KCNH1: variants seen among roughly 807,000 people sequenced by gnomAD.
The protein encoded by KCNH1 is potassium voltage-gated channel subfamily H member 1, also known as voltage-gated delayed rectifier potassium channel KCNH1.
Under a neutral mutation model 69.2 loss-of-function variants are expected in KCNH1, and 27 were observed. That is an observed-to-expected ratio of 0.39 (90% CI 0.29 to 0.54). The LOEUF (loss-of-function observed/expected upper bound fraction) is 0.54, where lower values mean the gene tolerates loss of function less well. KCNH1 is among the 20% of genes least tolerant of loss of function. The pLI is 0.68. For missense variants in KCNH1, 798 were observed against 1,261.6 expected, an observed-to-expected ratio of 0.63 and a Z score of 5.57; for synonymous variants, 456 against 487.7, an observed-to-expected ratio of 0.93 and a Z score of 0.86.
At chr1:210,977,428 G>A (rs1271684984) in intron 6 of KCNH1, among the ~76,000 whole-genome samples, 6 of 151,392 alleles carry the variant, frequency 4.0e-5, no homozygotes, top group African/African-American at 1.5e-4. Context: ...TTGTACCCTA[G>A]AACTTAAAGT....
intron 10 of KCNH1, among the ~76,000 whole-genome samples, chr1:210,701,167 G>A (rs1447430598): frequency 6.6e-6 from 1 of 152,124 alleles, no homozygotes; most frequent in African/African-American, 2.4e-5. Context: ...TCGATCTCCT[G>A]ACCTTGTGAT....
chr1:210,863,284 C>A (rs1229607203), intron 7 of KCNH1, among the ~76,000 whole-genome samples: 1 of 152,142 alleles, frequency 6.6e-6, no homozygotes, highest in Non-Finnish European at 1.5e-5. Context: ...TCTAAGATTA[C>A]TTTTAGCTCT....
intron 7 of KCNH1, among the ~76,000 whole-genome samples, chr1:210,862,609 C>T (rs967575248): frequency 1.3e-5 from 2 of 152,186 alleles, no homozygotes; most frequent in African/African-American, 4.8e-5. Flanking sequence ...GCTGGATTTA[C>T]AAGCCTGAGT....
At chr1:211,056,977 A>G (rs1337418418) in intron 5 of KCNH1, among the ~76,000 whole-genome samples, 1 of 152,200 alleles carries the variant, frequency 6.6e-6, no homozygotes, top group Non-Finnish European at 1.5e-5. Flanking sequence ...ACTGATGAAC[A>G]TCCACCAGTA....
chr1:210,867,868 T>C (rs1002179734), intron 7 of KCNH1, among the ~76,000 whole-genome samples: 6 of 152,070 alleles, frequency 3.9e-5, no homozygotes, highest in African/African-American at 1.4e-4. Flanking sequence ...TGCTTTTTTA[T>C]TGCTGAGAGT....
intron 3 of KCNH1, among the ~76,000 whole-genome samples, chr1:211,093,294 C>T (rs541374405): frequency 6.6e-6 from 1 of 152,204 alleles, no homozygotes; most frequent in South Asian, 2.1e-4. Context: ...ATGAACTCTC[C>T]CCTCTTAACA....
intron 6 of KCNH1, among the ~76,000 whole-genome samples, chr1:211,011,051 A>G (rs1273045473): frequency 6.6e-6 from 1 of 152,082 alleles, no homozygotes; most frequent in African/African-American, 2.4e-5. Flanking sequence ...ACATAGGTAT[A>G]CACGTGCCAT....
chr1:211,091,904 T>A (rs1052100796), intron 3 of KCNH1, among the ~76,000 whole-genome samples: 1 of 152,218 alleles, frequency 6.6e-6, no homozygotes, highest in African/African-American at 2.4e-5. Context: ...AGCACCAATT[T>A]ATTCTATGAT....
At position 211,024,371 on chromosome 1, in the gene KCNH1, C is replaced by T. The variant is rs80088917; in HGVS notation, c.559-5115G>A. On this transcript the variant is annotated intron_variant, in intron 5 of 10. Transcript: ENST00000271751. Reference sequence around the variant, plus strand: ...TGGAAAAATTATCCTAGGCAGAGGGCGTAACTGGCATAATAAGCCTAGGGT... The same window carrying T: ...TGGAAAAATTATCCTAGGCAGAGGGTGTAACTGGCATAATAAGCCTAGGGT... 5.9e-5 allele frequency among the ~76,000 whole-genome samples: 9 copies of T among 152,108 alleles called. No individual in the cohort carries two copies. The East Asian group carries it at 1.5e-3, about 26-fold the overall frequency.
Position 210,853,389 on chromosome 1 carries a change from C to T in KCNH1, c.1463-49223G>A, listed in dbSNP as rs116522756. 3.9e-3 allele frequency among the ~76,000 whole-genome samples: 590 copies of T among 152,290 alleles called. 6 individuals are homozygous for T. The highest frequency in any genetic ancestry group is 0.014 in the African/African-American group (563 of 41,550). ...CAAAGTCCTTGTAGCCAGGACTGCT[C>T]CCCAGAGGCTTGGCCACTGAGGCAG... On this transcript the variant is annotated intron_variant, in intron 7 of 10. Transcript: ENST00000271751.
chr1:210,918,465 G>A (rs1161976587), intron 7 of KCNH1, among the ~76,000 whole-genome samples: 1 of 152,100 alleles, frequency 6.6e-6, no homozygotes, highest in Non-Finnish European at 1.5e-5. Context: ...ACTCAAACTT[G>A]TTTGCTTTTT....
intron 5 of KCNH1, among the ~76,000 whole-genome samples, chr1:211,030,224 G>C (rs1033784918): frequency 6.6e-6 from 1 of 152,162 alleles, no homozygotes; most frequent in African/African-American, 2.4e-5. Flanking sequence ...CAAAAATAAA[G>C]TGGTTCAAAC....
At chr1:211,066,828 A>G (rs2102454066) in intron 5 of KCNH1, among the ~76,000 whole-genome samples, 3 of 152,374 alleles carry the variant, frequency 2.0e-5, no homozygotes, top group Admixed American at 2.0e-4. Flanking sequence ...GGAAAACTGC[A>G]GAACATACAT....
At chr1:211,127,695 C>A (rs373378921) in intron 1 of KCNH1, among the ~76,000 whole-genome samples, 1 of 152,080 alleles carries the variant, frequency 6.6e-6, no homozygotes, top group African/African-American at 2.4e-5. Context: ...CTACTAAAGA[C>A]AAAAGAAGAA....
At chr1:210,739,037 T>A (rs1682953466) in intron 10 of KCNH1, among the ~76,000 whole-genome samples, 1 of 152,178 alleles carries the variant, frequency 6.6e-6, no homozygotes, top group African/African-American at 2.4e-5. Context: ...TCCTATACTA[T>A]CCTGTGCTCA....
At chr1:210,965,537 A>G (rs1283908359) in intron 6 of KCNH1, among the ~76,000 whole-genome samples, 2 of 152,170 alleles carry the variant, frequency 1.3e-5, no homozygotes, top group Non-Finnish European at 2.9e-5. Flanking sequence ...AAAAGAACAA[A>G]GCTGGAGGCA....
intron 6 of KCNH1, among the ~76,000 whole-genome samples, chr1:211,004,247 T>C (rs1164872080): frequency 1.3e-5 from 2 of 152,112 alleles, no homozygotes; most frequent in Non-Finnish European, 2.9e-5. Context: ...CTAAAGGGTG[T>C]TCCTCAGGCA....
intron 6 of KCNH1, among the ~76,000 whole-genome samples, chr1:211,002,535 G>A (rs1054904922): frequency 6.6e-6 from 1 of 151,858 alleles, no homozygotes; most frequent in Non-Finnish European, 1.5e-5. Flanking sequence ...TCAGATTATG[G>A]AGTTATTGAA....
At chr1:211,029,265 C>T (rs1010047999) in intron 5 of KCNH1, among the ~76,000 whole-genome samples, 21 of 127,620 alleles carry the variant, frequency 1.6e-4, no homozygotes, top group African/African-American at 5.4e-4. Context: ...CCCAGGAGTT[C>T]GAGGCTGCAG....
Sources: allele counts gnomAD v4.1 joint callset (sites outside exome capture counted in the v4.1 genomes callset), GRCh38; gene constraint gnomAD v4.1.1; transcripts MANE v1.5; gene names NCBI Gene and HGNC (gene_info 2026-07-23, HGNC 2026-07-21).